COL27A1: variants seen among roughly 807,000 people sequenced by gnomAD.
COL27A1 encodes collagen alpha-1(XXVII) chain.
In COL27A1, 106 loss-of-function variants were observed where a neutral mutation model predicts 251.3. The observed-to-expected ratio is 0.42, with a 90% CI of 0.36 to 0.50. The LOEUF (loss-of-function observed/expected upper bound fraction) is 0.50, where lower values mean the gene tolerates loss of function less well. Among genes scored for constraint, COL27A1 ranks in the 20% least tolerant of loss-of-function variants. The pLI, the probability that COL27A1 is intolerant of heterozygous loss-of-function variation, is 0.00. For missense variants in COL27A1, 2,325 were observed against 2,522.8 expected, an observed-to-expected ratio of 0.92 and a Z score of 1.68; for synonymous variants, 1,000 against 986.3, an observed-to-expected ratio of 1.01 and a Z score of -0.26.
rs573761249 is a variant in COL27A1, at chr9:114,311,978, G to A, written c.*1283G>A. 1.3e-5 allele frequency: 2 copies of A among 152,304 alleles called. No homozygotes were observed. Among genetic ancestry groups the A allele is most frequent in the East Asian group, 1.9e-4 (1 of 5,188 alleles). The allele number at this position is 152,304 out of a possible 1,614,324, so 9.4% of individuals were successfully genotyped here. A position where few individuals can be genotyped will look rare whatever the true frequency, so the allele number is the denominator to read the frequency against. On this transcript the variant is annotated 3_prime_UTR_variant, in exon 61 of 61. Transcript: ENST00000356083. ...AAACCCATTGTCATTAGCTCCAAGTGTAAATTTGGGTCAAGGAGACAGAAT... is the reference window on the plus strand; with the variant it reads ...AAACCCATTGTCATTAGCTCCAAGTATAAATTTGGGTCAAGGAGACAGAAT...
In COL27A1 at chr9:114,306,611, A is replaced by AGACGAAT; in HGVS notation, c.5034_5035insAATGACG (p.Pro1679AsnfsTer21). On this transcript the variant is annotated frameshift_variant, in exon 58 of 61. Coordinates refer to ENST00000356083, the MANE Select transcript of COL27A1 (RefSeq NM_032888.4). LOFTEE classifies it high-confidence loss of function. Reference sequence around the variant, plus strand: ...CTCAGCAACCTCATCCAGAGCATTAAGACGCCCCTGGGCACCAAAGAGAAC... The same window carrying AGACGAAT: ...CTCAGCAACCTCATCCAGAGCATTAAGACGAATGACGCCCCTGGGCACCAAAGAGAAC... 1 of 1,614,182 alleles carries AGACGAAT rather than the reference A, an allele frequency of 6.2e-7. No homozygotes were observed. Among genetic ancestry groups the AGACGAAT allele is most frequent in the Non-Finnish European group, 8.5e-7 (1 of 1,180,032 alleles).
At position 114,307,764 on chromosome 9, in the gene COL27A1, A is replaced by C; in HGVS notation, c.5203A>C (p.Ile1735Leu). 3.1e-6 allele frequency: 5 copies of C among 1,613,556 alleles called. No homozygotes were observed. Among genetic ancestry groups the C allele is most frequent in the Non-Finnish European group, 4.2e-6 (5 of 1,179,640 alleles). The stretch of plus-strand genomic sequence containing the variant: ...TGGTGGACAGACGTGTCTCAAGCCC[A>C]TCACGGCCTCCAAGGTACCCATCAG... ...THGGQTCLKPITASKVEFAIS... is the reference protein window; with the variant it reads ...THGGQTCLKPLTASKVEFAIS... Residue 1735 changes from isoleucine (I) to leucine (L), a missense_variant, in exon 59 of 61, where the codon ATC (isoleucine) becomes CTC (leucine). Ile to Leu is a conservative substitution (Grantham distance 5). Transcript: ENST00000356083.
chr9:114,285,754 G>A (rs531719222), intron 41 of COL27A1, among the ~76,000 whole-genome samples: 2 of 152,322 alleles, frequency 1.3e-5, no homozygotes, highest in Non-Finnish European at 2.9e-5. Context: ...CTGGGCCCTC[G>A]CAGCCTGCCA....
rs761565970 is a variant in COL27A1 at position 114,237,028 on chromosome 9, G to A, written c.2667G>A (p.Gly889=). ...TCCCCGGTGCACGGGGGAAGCCAGG[G>A]CCTCTGGTAAGTACCTGCTCCTCCA... is the stretch of plus-strand genomic sequence containing the variant. ...PGFPGARGKP[G]PLGKVGDKGS... is the part of the protein sequence containing the mutation. The change falls in exon 18 of 61, where the codon GGG becomes GGA. Residue 889 remains glycine (G), a synonymous_variant. Transcript: ENST00000356083. The A allele has an allele frequency of 1.2e-6, 2 of 1,608,154 alleles. No individual in the cohort carries two copies. Among genetic ancestry groups the A allele is most frequent in the South Asian group, 1.1e-5 (1 of 90,254 alleles).
In COL27A1 at chr9:114,231,227, T is replaced by TG. The variant is rs766029440; in HGVS notation, c.2520+100dup. On this transcript the variant is annotated intron_variant, in intron 15 of 60. Coordinates refer to ENST00000356083, the MANE Select transcript of COL27A1 (RefSeq NM_032888.4). ...AAGGAAGGGTGACCTTAGATGATGC[T>TG]GGGGGAAGGGAGGATGGCAGGATGC... 175 of 1,202,200 alleles carry TG rather than the reference T, an allele frequency of 1.5e-4. 7 individuals carry two copies. The highest frequency in any genetic ancestry group is 6.9e-4 in the East Asian group (29 of 42,242). The allele number at this position is 1,202,200 out of a possible 1,614,324, so 74.5% of individuals were successfully genotyped here.
Position 114,301,704 on chromosome 9 carries a change from G to C in COL27A1, c.4832G>C (p.Arg1611Pro), listed in dbSNP as rs565852420. ...GPRGPPGPRG[R>P]PGPPGPPGGP... ...CAGGGTCCTCCCGGCCCCAGAGGGC[G>C]GCCCGGCCCCCCGGTAGGTAACTGA... The change falls in exon 55 of 61, where the codon CGG becomes CCG. Residue 1611 changes from arginine (R) to proline (P), a missense_variant. Physicochemically the swap from Arg to Pro is moderately radical, Grantham distance 103. This residue lies in a region of COL27A1 where 327 missense variants were observed against 442.8 expected (regional missense o/e 0.74). Transcript: ENST00000356083. The C allele has an allele frequency of 1.2e-6, 2 of 1,611,870 alleles. No individual in the cohort carries two copies. The highest frequency in any genetic ancestry group is 2.7e-5 in the African/African-American group (2 of 74,778).
intron 12 of COL27A1, among the ~76,000 whole-genome samples, chr9:114,214,443 C>T (rs896148908): frequency 3.9e-5 from 6 of 152,286 alleles, no homozygotes; most frequent in Admixed American, 3.9e-4. Flanking sequence ...GCGGCCTCCT[C>T]AGTATCCAGT....
chr9:114,168,076 G>T lies in COL27A1; in HGVS notation c.521G>T (p.Cys174Phe), dbSNP rs777003275. The T allele has an allele frequency of 6.2e-7, 1 of 1,610,112 alleles. No individual in the cohort carries two copies. Among genetic ancestry groups the T allele is most frequent in the Non-Finnish European group, 8.5e-7 (1 of 1,179,926 alleles). ...RGRTVTLVTA[C>F]GQRRVPVLLP... ...CGCACAGTCACTCTGGTGACTGCCT[G>T]CGGGCAGCGCCGGGTGCCTGTCCTG... The change falls in exon 3 of 61, where the codon TGC becomes TTC. Residue 174 changes from cysteine (C) to phenylalanine (F), a missense_variant. This residue lies in a region of COL27A1 where 1,183 missense variants were observed against 1,144.1 expected (regional missense o/e 1.03). Transcript: ENST00000356083.
chr9:114,185,251 C>T (rs557327365), intron 5 of COL27A1, among the ~76,000 whole-genome samples: 1 of 152,356 alleles, frequency 6.6e-6, no homozygotes, highest in East Asian at 1.9e-4. Flanking sequence ...GGACAGGACT[C>T]CCATTTGCAT....
At chr9:114,161,361 G>C (rs142283883) in intron 1 of COL27A1, among the ~76,000 whole-genome samples, 4 of 151,956 alleles carry the variant, frequency 2.6e-5, no homozygotes, top group African/African-American at 4.8e-5. Flanking sequence ...TGAAATTCTC[G>C]GGATCAACTT....
intron 19 of COL27A1, among the ~76,000 whole-genome samples, chr9:114,239,791 T>C (rs1362395925): frequency 6.6e-6 from 1 of 152,210 alleles, no homozygotes; most frequent in East Asian, 1.9e-4. Flanking sequence ...TTTTCAATGC[T>C]TTCAAAGTCA....
At chr9:114,266,739 T>A in intron 33 of COL27A1, 121 bp downstream of exon 33, 2 of 881,774 alleles carry the variant, frequency 2.3e-6, no homozygotes, top group Non-Finnish European at 1.8e-6. Flanking sequence ...GAGATGGTCA[T>A]GTACCGTGTA....
rs2135591791 is a variant in COL27A1 at position 114,264,424 on chromosome 9, A to G, written c.3249+16A>G. On this transcript the variant is annotated intron_variant, in intron 29 of 60. Coordinates refer to ENST00000356083, the MANE Select transcript of COL27A1 (RefSeq NM_032888.4). ...GGGCCTGAAGGTACCGACCCCTAGG[A>G]CCTGCCCTTCCTCACTCCTCCGACA... 1.3e-6 allele frequency: 2 copies of G among 1,547,456 alleles called. No homozygotes were observed. Among genetic ancestry groups the G allele is most frequent in the Middle Eastern group, 1.7e-4 (1 of 5,898 alleles).
At chr9:114,188,500 G>T (rs899266201) in intron 5 of COL27A1, among the ~76,000 whole-genome samples, 1 of 152,132 alleles carries the variant, frequency 6.6e-6, no homozygotes, top group Non-Finnish European at 1.5e-5. Flanking sequence ...GATGATCATA[G>T]TTCATACCTC....
chr9:114,275,609 G>C, intron 36 of COL27A1, 52 bp from the exon 37 acceptor site: 4 of 1,280,210 alleles, frequency 3.1e-6, no homozygotes, highest in Non-Finnish European at 4.4e-6. Flanking sequence ...TGATGCACTT[G>C]GCAACTAACT....
In COL27A1 at chr9:114,290,381, G is replaced by A. The variant is rs1353002005; in HGVS notation, c.4368+50G>A. The A allele has an allele frequency of 5.4e-6, 8 of 1,470,054 alleles. No individual in the cohort carries two copies. The highest frequency in any genetic ancestry group is 7.5e-6 in the Non-Finnish European group (8 of 1,072,880). The allele number at this position is 1,470,054 out of a possible 1,614,324, so 91.1% of individuals were successfully genotyped here. A position where few individuals can be genotyped will look rare whatever the true frequency, so the allele number is the denominator to read the frequency against. ...ATGGTGGCTCCATTTGGGACCAGGT[G>A]TAGGGGAACTTCCCCAGGCCATGGG... On this transcript the variant is annotated intron_variant, in intron 47 of 60. Coordinates refer to ENST00000356083, the MANE Select transcript of COL27A1 (RefSeq NM_032888.4). This position sits in a 1 kb window ranked among gnomAD's most constrained non-coding sequence, Gnocchi z 4.6.
intron 5 of COL27A1, among the ~76,000 whole-genome samples, chr9:114,188,676 T>A (rs569679766): frequency 1.3e-5 from 2 of 152,308 alleles, no homozygotes; most frequent in Admixed American, 1.3e-4. Context: ...TAATATGCCT[T>A]GCACATGAGA....
At chr9:114,276,041 A>G (rs1414241855) in intron 37 of COL27A1, among the ~76,000 whole-genome samples, 1 of 152,086 alleles carries the variant, frequency 6.6e-6, no homozygotes, top group Non-Finnish European at 1.5e-5. Flanking sequence ...ATATCCAGAC[A>G]CACTAAACTT....
Position 114,250,663 on chromosome 9 carries a change from G to A in COL27A1, c.3028G>A (p.Glu1010Lys), listed in dbSNP as rs1161694146. The A allele has an allele frequency of 1.2e-6, 2 of 1,611,652 alleles. No individual in the cohort carries two copies. The highest frequency in any genetic ancestry group is 3.3e-5 in the Admixed American group (2 of 59,978). The change falls in exon 25 of 61, where the codon GAA becomes AAA. Residue 1010 changes from glutamate (E) to lysine (K), a missense_variant. Transcript: ENST00000356083. ...GGTCGGGGAGCCAGGAATCGTGGGA[G>A]AAAAGGTAAGTGGTGTTGAGGGGAA... ...GLVGEPGIVGEKGDRGMMGPP... is the reference protein window; with the variant it reads ...GLVGEPGIVGKKGDRGMMGPP...
Sources: allele counts gnomAD v4.1 joint callset (sites outside exome capture counted in the v4.1 genomes callset), GRCh38; gene constraint gnomAD v4.1.1; regional missense constraint gnomAD v4.1.1; non-coding constraint Gnocchi (gnomAD v3.1); transcripts MANE v1.5; gene names NCBI Gene and HGNC (gene_info 2026-07-23, HGNC 2026-07-21).